Variants in DOCK1 observed in about 807,000 individuals in gnomAD.
DOCK1 encodes the protein dedicator of cytokinesis 1.
DOCK1 carries 138 observed loss-of-function variants against 262.7 expected under a neutral mutation model. That is an observed-to-expected ratio of 0.53 (90% confidence interval 0.46 to 0.61). The LOEUF is 0.61. DOCK1 is among the 20% of genes least tolerant of loss of function. The pLI is 0.00. For missense variants in DOCK1, 1,908 were observed against 2,370.7 expected (o/e 0.80, Z 4.05); for synonymous variants, 866 against 867.4 (o/e 1.00, Z 0.03).
chr10:126,966,440 T>G (rs1235467949), intron 1 of DOCK1, among the ~76,000 whole-genome samples: 1 of 152,188 alleles, frequency 6.6e-6, no homozygotes, highest in Non-Finnish European at 1.5e-5. Flanking sequence ...CTGGGTCATG[T>G]GGTGGTTTTA....
intron 27 of DOCK1, among the ~76,000 whole-genome samples, chr10:127,236,327 C>A (rs992613040): frequency 1.7e-5 from 2 of 117,468 alleles, no homozygotes; most frequent in African/African-American, 6.5e-5. Context: ...CTCCCTCCCT[C>A]CCCCTCTCCC....
intron 25 of DOCK1, among the ~76,000 whole-genome samples, chr10:127,119,066 C>G (rs185438182): frequency 2.2e-5 from 3 of 137,978 alleles, no homozygotes; most frequent in African/African-American, 8.4e-5. Context: ...TTTTTTGAGA[C>G]GGAGTCTCGC....
chr10:127,202,756 G>T (rs1039450902), intron 27 of DOCK1, among the ~76,000 whole-genome samples: 2 of 152,142 alleles, frequency 1.3e-5, no homozygotes, highest in African/African-American at 4.8e-5. Flanking sequence ...CAGATAACTG[G>T]GCACTCAATA....
At chr10:127,258,134 A>T (rs570727331) in intron 29 of DOCK1, among the ~76,000 whole-genome samples, 73 of 152,196 alleles carry the variant, frequency 4.8e-4, no homozygotes, top group African/African-American at 1.5e-3. Flanking sequence ...TCTTACTCAG[A>T]TTTCCTCAGT....
chr10:126,967,693 A>G (rs986663663), intron 1 of DOCK1, among the ~76,000 whole-genome samples: 9 of 152,160 alleles, frequency 5.9e-5, no homozygotes, highest in African/African-American at 2.2e-4. Flanking sequence ...TCTTTCTTGC[A>G]TCTCTTTGAC....
chr10:127,421,000 T>A (rs950630876), intron 46 of DOCK1, among the ~76,000 whole-genome samples: 5 of 151,810 alleles, frequency 3.3e-5, no homozygotes, highest in African/African-American at 1.2e-4. Context: ...TACTGCAACC[T>A]CCTCCTCCGG....
chr10:127,332,925 C>T (rs1482372532), intron 29 of DOCK1, among the ~76,000 whole-genome samples: 1 of 152,188 alleles, frequency 6.6e-6, no homozygotes, highest in African/African-American at 2.4e-5. Flanking sequence ...TCTATTATCA[C>T]TTCACCTCAA....
chr10:127,242,904 C>T (rs1337589262), intron 27 of DOCK1, among the ~76,000 whole-genome samples: 1 of 152,150 alleles, frequency 6.6e-6, no homozygotes, highest in Non-Finnish European at 1.5e-5. Flanking sequence ...CGGGCACCTA[C>T]CGTCCACACT....
chr10:127,204,614 C>T (rs767375627), intron 27 of DOCK1, among the ~76,000 whole-genome samples: 3 of 152,042 alleles, frequency 2.0e-5, no homozygotes, highest in African/African-American at 4.8e-5. Flanking sequence ...TAGAGATGGG[C>T]GTTTGGAAAC....
At chr10:127,373,976 A>G in intron 34 of DOCK1, 82 bp from the exon 35 acceptor site, 4 of 1,530,686 alleles carry the variant, frequency 2.6e-6, no homozygotes, top group Non-Finnish European at 3.5e-6. Flanking sequence ...ATGTGTTAAT[A>G]ATGGAAAATA....
intron 47 of DOCK1, among the ~76,000 whole-genome samples, chr10:127,429,773 C>CA (rs2069153195): frequency 6.6e-6 from 1 of 151,372 alleles, no homozygotes; most frequent in South Asian, 2.1e-4. Context: ...AGCCCGTGAG[C>CA]ACCTGCCACG....
intron 1 of DOCK1, among the ~76,000 whole-genome samples, chr10:126,932,648 T>C (rs1298027586): frequency 6.6e-6 from 1 of 152,108 alleles, no homozygotes; most frequent in Non-Finnish European, 1.5e-5. Flanking sequence ...AGAGCCCCTG[T>C]TGAGCTGAGC....
intron 1 of DOCK1, among the ~76,000 whole-genome samples, chr10:126,919,970 G>T (rs536209575): frequency 6.6e-6 from 1 of 152,246 alleles, no homozygotes; most frequent in Admixed American, 6.5e-5. Flanking sequence ...TCTTGGAGGG[G>T]GCACCACTTC....
chr10:127,245,631 C>T (rs964251192), intron 27 of DOCK1, among the ~76,000 whole-genome samples: 7 of 152,194 alleles, frequency 4.6e-5, no homozygotes, highest in African/African-American at 1.7e-4. Flanking sequence ...ATGAATTTCT[C>T]CGCATGACGT....
intron 21 of DOCK1, among the ~76,000 whole-genome samples, chr10:127,045,819 A>G (rs753841647): frequency 6.6e-6 from 1 of 152,104 alleles, no homozygotes; most frequent in African/African-American, 2.4e-5. Flanking sequence ...TGTCCACCCT[A>G]TGGAGCTGCT....
At chr10:127,249,379 A>G (rs183718527) in intron 28 of DOCK1, among the ~76,000 whole-genome samples, 2 of 123,838 alleles carry the variant, frequency 1.6e-5, no homozygotes, top group Admixed American at 9.3e-5. Context: ...ATATACACAT[A>G]TGTACATATA....
intron 29 of DOCK1, among the ~76,000 whole-genome samples, chr10:127,310,182 C>T (rs2062014129): frequency 6.6e-6 from 1 of 152,146 alleles, no homozygotes; most frequent in Non-Finnish European, 1.5e-5. Context: ...GCCTGCTTTA[C>T]ACTTTTTACA....
At chr10:127,397,956 C>T (rs944779521) in intron 38 of DOCK1, among the ~76,000 whole-genome samples, 2 of 152,248 alleles carry the variant, frequency 1.3e-5, no homozygotes, top group African/African-American at 4.8e-5. Flanking sequence ...ACACAGGAAG[C>T]GACTCCTGTA....
chr10:127,276,580 G>A (rs77926146), intron 29 of DOCK1, among the ~76,000 whole-genome samples: 1 of 152,106 alleles, frequency 6.6e-6, no homozygotes, highest in Admixed American at 6.5e-5. Flanking sequence ...CTCGGACACT[G>A]GTGACACGGA....
Sources: allele counts gnomAD v4.1 joint callset (sites outside exome capture counted in the v4.1 genomes callset), GRCh38; gene constraint gnomAD v4.1.1; transcripts MANE v1.5; gene names NCBI Gene and HGNC (gene_info 2026-07-23, HGNC 2026-07-21).